The following KCNH7 variants were observed in gnomAD, a reference collection of about 807,000 sequenced individuals.
KCNH7 encodes voltage-gated inwardly rectifying potassium channel KCNH7.
KCNH7 carries 49 observed loss-of-function variants against 120.8 expected under a neutral mutation model. That is an observed-to-expected ratio of 0.41 (90% CI 0.32 to 0.51). The LOEUF (loss-of-function observed/expected upper bound fraction) is 0.51, where lower values mean the gene tolerates loss of function less well. KCNH7 is among the 20% of genes least tolerant of loss of function. KCNH7 has a pLI of 0.38. For synonymous variants in KCNH7, 547 were observed against 516.1 expected (o/e 1.06, Z -0.81); for missense variants, 1,097 against 1,446.6 (o/e 0.76, Z 3.92).
Position 162,400,169 on chromosome 2 carries a change from T to C in KCNH7, c.2407+20A>G. 6.2e-7 allele frequency: 1 copy of C among 1,609,738 alleles called. No homozygotes were observed. Among genetic ancestry groups the C allele is most frequent in the Non-Finnish European group, 8.5e-7 (1 of 1,177,222 alleles). Reference sequence around the variant, plus strand: ...AAGCTAATAACTGAATCTGTCACCATGCACTTCTAAAACACTCACCCAGAA... The same window carrying C: ...AAGCTAATAACTGAATCTGTCACCACGCACTTCTAAAACACTCACCCAGAA... On this transcript the variant is annotated intron_variant, in intron 10 of 15. Transcript: ENST00000332142.
intron 2 of KCNH7, among the ~76,000 whole-genome samples, chr2:162,726,152 T>C (rs1687509142): frequency 6.6e-6 from 1 of 152,202 alleles, no homozygotes; most frequent in African/African-American, 2.4e-5. Flanking sequence ...TTTTGATCTA[T>C]ACACTAAGCC....
At chr2:162,735,231 T>C (rs1319647552) in intron 2 of KCNH7, among the ~76,000 whole-genome samples, 3 of 152,166 alleles carry the variant, frequency 2.0e-5, no homozygotes, top group Admixed American at 1.3e-4. Flanking sequence ...GTTACTCTAG[T>C]ATGAAGGCCA....
chr2:162,784,192 T>A (rs1004758736), intron 2 of KCNH7, among the ~76,000 whole-genome samples: 79 of 152,316 alleles, frequency 5.2e-4, no homozygotes, highest in African/African-American at 1.8e-3. Flanking sequence ...TGCTACTTAA[T>A]ACTATTGTTT....
chr2:162,380,796 T>A (rs1686390914), intron 13 of KCNH7, among the ~76,000 whole-genome samples: 3 of 152,132 alleles, frequency 2.0e-5, no homozygotes, highest in Admixed American at 2.0e-4. Context: ...CCTTGGTAAA[T>A]ACGGAGGAAC....
At chr2:162,723,112 T>C (rs1191816941) in intron 2 of KCNH7, among the ~76,000 whole-genome samples, 1 of 152,004 alleles carries the variant, frequency 6.6e-6, no homozygotes, top group Non-Finnish European at 1.5e-5. Flanking sequence ...ATAATTTAGG[T>C]AAATTATATA....
intron 6 of KCNH7, among the ~76,000 whole-genome samples, chr2:162,493,903 T>A (rs1690408580): frequency 6.6e-6 from 1 of 152,178 alleles, no homozygotes; most frequent in Admixed American, 6.5e-5. Context: ...TAAAAAAGAA[T>A]CTTGCAAAAG....
chr2:162,591,675 G>C (rs921358989), intron 2 of KCNH7, among the ~76,000 whole-genome samples: 13 of 151,922 alleles, frequency 8.6e-5, no homozygotes, highest in African/African-American at 3.1e-4. Flanking sequence ...GTCAAAAATG[G>C]GTAGCTGTAC....
chr2:162,475,061 A>G (rs1056440772), intron 6 of KCNH7, among the ~76,000 whole-genome samples: 1 of 152,222 alleles, frequency 6.6e-6, no homozygotes, highest in African/African-American at 2.4e-5. Context: ...CTGTGGGGTA[A>G]CAAAGGCTTG....
chr2:162,519,603 A>G (rs1442004861), intron 3 of KCNH7, among the ~76,000 whole-genome samples: 2 of 151,832 alleles, frequency 1.3e-5, no homozygotes, highest in African/African-American at 2.4e-5. Context: ...CCACTCCTCA[A>G]AGAACATAAA....
intron 2 of KCNH7, among the ~76,000 whole-genome samples, chr2:162,715,456 T>C (rs1463497506): frequency 6.6e-6 from 1 of 152,084 alleles, no homozygotes; most frequent in Non-Finnish European, 1.5e-5. Context: ...GGGACAAATA[T>C]CCAAACTATA....
chr2:162,584,264 A>G (rs1310149117), intron 2 of KCNH7, among the ~76,000 whole-genome samples: 6 of 152,218 alleles, frequency 3.9e-5, no homozygotes, highest in East Asian at 3.9e-4. Flanking sequence ...AAACTTGTGA[A>G]ATTCTCATGG....
intron 2 of KCNH7, among the ~76,000 whole-genome samples, chr2:162,816,854 T>A (rs79717497): frequency 0.024 from 3,660 of 152,104 alleles, 142 homozygotes; most frequent in African/African-American, 0.083. Context: ...ATGTTGAAAA[T>A]TTTTTTTAAA....
At chr2:162,768,017 G>A (rs1481727828) in intron 2 of KCNH7, among the ~76,000 whole-genome samples, 2 of 152,120 alleles carry the variant, frequency 1.3e-5, no homozygotes, top group East Asian at 3.8e-4. Flanking sequence ...CACAAGCAAA[G>A]AAAATATTTA....
chr2:162,536,897 C>T (rs377504807), intron 3 of KCNH7, 28 bp downstream of exon 3: 9 of 1,591,506 alleles, frequency 5.7e-6, no homozygotes, highest in Non-Finnish European at 7.7e-6. Flanking sequence ...TTATCAAGAG[C>T]ATTGAGTACA....
At position 162,598,776 on chromosome 2, in the gene KCNH7, G is replaced by A. The variant is rs534368402; in HGVS notation, c.308-61696C>T. Reference sequence around the variant, plus strand: ...AAAAGGTTTCACCCAAGTTTTTATTGCTTTACAGAAGGAAGATTTTATGGA... The same window carrying A: ...AAAAGGTTTCACCCAAGTTTTTATTACTTTACAGAAGGAAGATTTTATGGA... On this transcript the variant is annotated intron_variant, in intron 2 of 15. Transcript: ENST00000332142. Among the ~76,000 whole-genome samples, 223 of 152,182 alleles carry A rather than the reference G, an allele frequency of 1.5e-3. 1 individual carries two copies. The highest frequency in any genetic ancestry group is 2.6e-3 in the Non-Finnish European group (177 of 67,980).
chr2:162,753,208 G>T (rs1028350693), intron 2 of KCNH7, among the ~76,000 whole-genome samples: 1 of 151,698 alleles, frequency 6.6e-6, no homozygotes, highest in African/African-American at 2.4e-5. Flanking sequence ...CATTTGCTGG[G>T]GTAGTTTTGA....
intron 2 of KCNH7, among the ~76,000 whole-genome samples, chr2:162,676,293 A>G (rs1257289400): frequency 6.6e-6 from 1 of 151,576 alleles, no homozygotes; most frequent in African/African-American, 2.4e-5. Context: ...TAAAGATAAC[A>G]ATGAAAGTTA....
chr2:162,616,275 G>GA (rs1328383815), intron 2 of KCNH7, among the ~76,000 whole-genome samples: 1 of 152,198 alleles, frequency 6.6e-6, no homozygotes, highest in Non-Finnish European at 1.5e-5. Context: ...TATAAAGGTT[G>GA]AAAATGCAGT....
At chr2:162,667,586 T>G (rs192770184) in intron 2 of KCNH7, among the ~76,000 whole-genome samples, 42 of 152,354 alleles carry the variant, frequency 2.8e-4, no homozygotes, top group Admixed American at 3.9e-4. Context: ...CTCAGAACTT[T>G]TGCAACTGCT....
Sources: allele counts gnomAD v4.1 joint callset (sites outside exome capture counted in the v4.1 genomes callset), GRCh38; gene constraint gnomAD v4.1.1; transcripts MANE v1.5; gene names NCBI Gene and HGNC (gene_info 2026-07-23, HGNC 2026-07-21).